Variants in NUFIP1 observed in about 807,000 individuals in gnomAD.
NUFIP1 encodes nuclear FMR1 interacting protein 1, also known as FMR1-interacting protein NUFIP1.
NUFIP1 carries 38 observed loss-of-function variants against 56.2 expected under a neutral mutation model. The observed-to-expected ratio is 0.68, with a 90% confidence interval of 0.52 to 0.89. The LOEUF (loss-of-function observed/expected upper bound fraction) is 0.89, where lower values mean the gene tolerates loss of function less well. Ranked by LOEUF, NUFIP1 falls within the 40% of genes least tolerant of loss-of-function variation. The pLI is 0.00. For missense variants in NUFIP1, 567 were observed against 605.8 expected, an observed-to-expected ratio of 0.94 and a Z score of 0.67; for synonymous variants, 215 against 212.4, an observed-to-expected ratio of 1.01 and a Z score of -0.10.
intron 7 of NUFIP1, among the ~76,000 whole-genome samples, chr13:44,951,527 C>A (rs1871083292): frequency 6.6e-6 from 1 of 152,194 alleles, no homozygotes; most frequent in Non-Finnish European, 1.5e-5. Flanking sequence ...AAAATGAAGC[C>A]ATCCTATCAA....
intron 8 of NUFIP1, among the ~76,000 whole-genome samples, chr13:44,944,061 T>G (rs774130658): frequency 5.3e-5 from 8 of 152,212 alleles, no homozygotes; most frequent in Non-Finnish European, 8.8e-5. Flanking sequence ...TAAGTGTATG[T>G]GCAATTTATA....
rs1388475064 is a variant in NUFIP1, at chr13:44,939,907, A to G, written c.*1299T>C. 6.6e-6 allele frequency: 1 copy of G among 152,184 alleles called. No individual in the cohort carries two copies. Among genetic ancestry groups the G allele is most frequent in the Non-Finnish European group, 1.5e-5 (1 of 68,022 alleles). The allele number at this position is 152,184 out of a possible 1,614,324, so 9.4% of individuals were successfully genotyped here. A position where few individuals can be genotyped will look rare whatever the true frequency, so the allele number is the denominator to read the frequency against. ...AGCCTATAAAATGTGTATGCTAACT[A>G]GTAATAAAAGTACAAACTGTGTTAT... On this transcript the variant is annotated 3_prime_UTR_variant, in exon 10 of 10. Transcript: ENST00000379161.
chr13:44,961,052 GA>G (rs975537873), intron 6 of NUFIP1, among the ~76,000 whole-genome samples: 1,812 of 53,586 alleles, frequency 0.034, 37 homozygotes, highest in African/African-American at 0.11. Flanking sequence ...TCTGTCTCCA[GA>G]AAAAAAAAAA....
chr13:44,944,050 T>C (rs1325934417), intron 8 of NUFIP1, among the ~76,000 whole-genome samples: 1 of 152,146 alleles, frequency 6.6e-6, no homozygotes, highest in Non-Finnish European at 1.5e-5. Flanking sequence ...AGCAAAAATA[T>C]TAAGTGTATG....
chr13:44,962,332 C>A (rs995163980), intron 6 of NUFIP1, among the ~76,000 whole-genome samples: 2 of 152,108 alleles, frequency 1.3e-5, no homozygotes, highest in African/African-American at 4.8e-5. Flanking sequence ...CATTATATTG[C>A]CAGATTTATC....
At chr13:44,946,582 T>C (rs1870908306) in intron 8 of NUFIP1, among the ~76,000 whole-genome samples, 1 of 152,232 alleles carries the variant, frequency 6.6e-6, no homozygotes, top group Non-Finnish European at 1.5e-5. Flanking sequence ...TATTACCTCT[T>C]CCTTTGCTTC....
chr13:44,975,680 GCTACCC>G (rs1438307318), intron 5 of NUFIP1, among the ~76,000 whole-genome samples: 1 of 152,092 alleles, frequency 6.6e-6, no homozygotes, highest in African/African-American at 2.4e-5. Context: ...TCTGAATTCA[GCTACCC>G]CTGCCTTTGT....
intron 5 of NUFIP1, among the ~76,000 whole-genome samples, chr13:44,968,581 C>G (rs1191317852): frequency 6.6e-6 from 1 of 152,134 alleles, no homozygotes; most frequent in Non-Finnish European, 1.5e-5. Flanking sequence ...TGTTCTCAAA[C>G]TGAAGAGAAT....
chr13:44,988,084 G>C (rs1566066844), intron 1 of NUFIP1, among the ~76,000 whole-genome samples: 2 of 152,218 alleles, frequency 1.3e-5, no homozygotes, highest in East Asian at 1.9e-4. Flanking sequence ...TAAAGTCTTC[G>C]CTCATATGTC....
chr13:44,983,057 G>A (rs1055627592), intron 1 of NUFIP1, among the ~76,000 whole-genome samples: 9 of 152,138 alleles, frequency 5.9e-5, no homozygotes, highest in African/African-American at 2.2e-4. Flanking sequence ...GTCTCACTAT[G>A]TTGCCCAGGC....
intron 1 of NUFIP1, among the ~76,000 whole-genome samples, chr13:44,982,870 T>A (rs897872289): frequency 1.3e-5 from 2 of 152,144 alleles, no homozygotes; most frequent in Non-Finnish European, 2.9e-5. Context: ...TAGCTTGGCA[T>A]GATGGCATGC....
intron 1 of NUFIP1, among the ~76,000 whole-genome samples, chr13:44,985,483 G>A (rs879309415): frequency 6.6e-5 from 10 of 152,122 alleles, no homozygotes; most frequent in Admixed American, 4.6e-4. Context: ...AAGGGTCTGC[G>A]GCAACCCTAC....
chr13:44,952,194 C>G (rs894912189), intron 7 of NUFIP1, among the ~76,000 whole-genome samples: 4 of 152,148 alleles, frequency 2.6e-5, no homozygotes, highest in African/African-American at 9.7e-5. Flanking sequence ...GCTGCCCAGG[C>G]TGGAGTGCAG....
chr13:44,946,129 T>A (rs185053890), intron 8 of NUFIP1, among the ~76,000 whole-genome samples: 8 of 152,246 alleles, frequency 5.3e-5, no homozygotes, highest in Admixed American at 4.6e-4. Flanking sequence ...TCCCCTCAAG[T>A]ATCGATCACT....
chr13:44,976,862 T>C (rs1871999548), intron 5 of NUFIP1, among the ~76,000 whole-genome samples: 1 of 152,126 alleles, frequency 6.6e-6, no homozygotes, highest in Admixed American at 6.5e-5. Flanking sequence ...ATTGACTCAC[T>C]CTGATGATAA....
At chr13:44,971,687 G>C (rs1871809086) in intron 5 of NUFIP1, among the ~76,000 whole-genome samples, 1 of 152,178 alleles carries the variant, frequency 6.6e-6, no homozygotes, top group Non-Finnish European at 1.5e-5. Context: ...ATTATCTCCT[G>C]GTTGGAAATA....
chr13:44,986,708 A>G (rs904748439), intron 1 of NUFIP1, among the ~76,000 whole-genome samples: 3 of 151,724 alleles, frequency 2.0e-5, no homozygotes, highest in East Asian at 1.9e-4. Flanking sequence ...AAAAAAAAAA[A>G]AAGAAGTGGA....
intron 2 of NUFIP1, 42 bp downstream of exon 2, chr13:44,982,030 A>G (rs770747415): frequency 8.2e-6 from 9 of 1,097,822 alleles, no homozygotes; most frequent in Non-Finnish European, 1.1e-5. Flanking sequence ...AAACAGTAAC[A>G]TAGGGACCAA....
chr13:44,945,299 C>G (rs533506443), intron 8 of NUFIP1, among the ~76,000 whole-genome samples: 1 of 151,860 alleles, frequency 6.6e-6, no homozygotes, highest in East Asian at 1.9e-4. Context: ...TCATCAAAAC[C>G]CACTCAAGAA....
Sources: allele counts gnomAD v4.1 joint callset (sites outside exome capture counted in the v4.1 genomes callset), GRCh38; gene constraint gnomAD v4.1.1; transcripts MANE v1.5; gene names NCBI Gene and HGNC (gene_info 2026-07-23, HGNC 2026-07-21).